Variants in SSPN observed in about 807,000 individuals in gnomAD.
SSPN encodes the protein sarcospan.
In SSPN, 15 loss-of-function variants were observed where a neutral mutation model predicts 19.1. The observed-to-expected ratio is 0.78, with a 90% CI of 0.52 to 1.21. The LOEUF is 1.21. Ranked by LOEUF, SSPN falls within the 50% of genes most tolerant of loss-of-function variation. SSPN has a pLI of 0.00. For missense variants in SSPN, 291 were observed against 314.0 expected (o/e 0.93, Z 0.55); for synonymous variants, 147 against 140.3 (o/e 1.05, Z -0.34).
At chr12:26,159,166 TG>T (rs1157859930) in intron 1 of SSPN, among the ~76,000 whole-genome samples, 20 of 152,216 alleles carry the variant, frequency 1.3e-4, no homozygotes, top group African/African-American at 4.8e-4. Flanking sequence ...GAACCAGCCA[TG>T]GGTTGTGACA....
intron 1 of SSPN, chr12:26,123,182 G>A (rs1020206271): frequency 1.3e-6 from 2 of 1,571,708 alleles, no homozygotes; most frequent in African/African-American, 1.4e-5. Context: ...GGATGAGGAA[G>A]GGATGGGGGT....
At chr12:26,142,719 A>C (rs924473332) in intron 1 of SSPN, among the ~76,000 whole-genome samples, 2 of 152,206 alleles carry the variant, frequency 1.3e-5, no homozygotes, top group Admixed American at 6.5e-5. Context: ...AGATTAGAAG[A>C]GAAGTGGGTT....
chr12:26,167,295 T>A (rs1310135244), intron 1 of SSPN, among the ~76,000 whole-genome samples: 1 of 152,212 alleles, frequency 6.6e-6, no homozygotes, highest in Non-Finnish European at 1.5e-5. Flanking sequence ...TCAATTTTAT[T>A]TTTTTCCCTC....
At chr12:26,222,778 G>A (rs4963653) in intron 1 of SSPN, among the ~76,000 whole-genome samples, 43,894 of 152,102 alleles carry the variant, frequency 0.29, 6,589 homozygotes, top group Admixed American at 0.4. Flanking sequence ...AACAGGTTGA[G>A]TATATTTTGC....
At chr12:26,191,210 C>T (rs1944785467), upstream of SSPN, among the ~76,000 whole-genome samples, 2 of 152,104 alleles carry the variant, frequency 1.3e-5, no homozygotes, top group Non-Finnish European at 2.9e-5. Flanking sequence ...GTATCATATG[C>T]AGTGGAAAAA....
rs912126740 is a variant in SSPN, at chr12:26,231,144, A to T, written c.*68A>T. ...GCTGAGGTTAAACAAACAAAAAAAA[A>T]TTTTAAACAAAGAAAGGAAAAAAAT... On this transcript the variant is annotated 3_prime_UTR_variant, in exon 3 of 3. Coordinates refer to ENST00000242729, the MANE Select transcript of SSPN (RefSeq NM_005086.5). 9.6e-6 allele frequency: 14 copies of T among 1,453,236 alleles called. No individual in the cohort carries two copies. Among genetic ancestry groups the T allele is most frequent in the Middle Eastern group, 1.8e-4 (1 of 5,478 alleles). 90.0% of individuals were successfully genotyped at this position (1,453,236 alleles called of 1,614,324 possible).
rs78419655 is a variant in SSPN at position 26,133,784 on chromosome 12, C to A, written c.-31+11632C>A. Among the ~76,000 whole-genome samples the A allele has an allele frequency of 2.0e-3, 297 of 152,104 alleles. 1 individual carries two copies. The highest frequency in any genetic ancestry group is 3.4e-3 in the Non-Finnish European group (229 of 68,012). The stretch of plus-strand genomic sequence containing the variant: ...CACTTTCCACATCTTGCACAAGGGC[C>A]TCTCAAAGGCAGAATCTAAGTTAGA... On this transcript the variant is annotated intron_variant, in intron 1 of 2. Transcript: ENST00000538142.
In SSPN at chr12:26,219,414, C is replaced by A. The variant is rs1331778113; in HGVS notation, c.280-4879C>A. Among the ~76,000 whole-genome samples the A allele has an allele frequency of 2.6e-5, 4 of 152,136 alleles. No homozygotes were observed. In the East Asian group the frequency reaches 7.7e-4, roughly 29 times the overall value. On this transcript the variant is annotated intron_variant, in intron 1 of 2. Coordinates refer to ENST00000242729, the MANE Select transcript of SSPN (RefSeq NM_005086.5). Reference sequence around the variant, plus strand: ...TACAAACCCTCAAAAGACACCACTGCAGTTATAATAGGCCAAATAACAAAG... The same window carrying A: ...TACAAACCCTCAAAAGACACCACTGAAGTTATAATAGGCCAAATAACAAAG...
chr12:26,124,043 G>A (rs1382502218), intron 1 of SSPN: 7 of 1,413,554 alleles, frequency 5.0e-6, no homozygotes, highest in Non-Finnish European at 7.0e-6. Context: ...CCCTTGGAGA[G>A]CAGCAAAGAA....
chr12:26,195,647 A>ACCCCCCC lies in SSPN; in HGVS notation c.-23_-22insCCCCCCC. ...GGCCCAGGGCGCCGCACACGCACCC[A>ACCCCCCC]CCCACCCACCCAGCCTCGCAGCGCC... On this transcript the variant is annotated 5_prime_UTR_variant, in exon 1 of 3. Coordinates refer to ENST00000242729, the MANE Select transcript of SSPN (RefSeq NM_005086.5). 5.7e-6 allele frequency: 1 copy of ACCCCCCC among 174,028 alleles called. No individual in the cohort carries two copies. Among genetic ancestry groups the ACCCCCCC allele is most frequent in the South Asian group, 6.3e-5 (1 of 15,950 alleles). 10.8% of individuals were successfully genotyped at this position (174,028 alleles called of 1,614,324 possible).
chr12:26,231,710 G>GT lies in SSPN; in HGVS notation c.*635dup, dbSNP rs774491138. ...TCTTCAGCTCCCTTAGCTTGGCTCC[G>GT]TAAGTGGATCACTTGCCAAATGCTT... On this transcript the variant is annotated 3_prime_UTR_variant, in exon 3 of 3. Transcript: ENST00000242729. 5.5e-5 allele frequency: 10 copies of GT among 182,604 alleles called. No individual in the cohort carries two copies. The highest frequency in any genetic ancestry group is 9.4e-5 in the Non-Finnish European group (9 of 95,842). The allele number at this position is 182,604 out of a possible 1,614,324, so 11.3% of individuals were successfully genotyped here.
At chr12:26,153,853 G>GAACT (rs1171463668) in intron 1 of SSPN, among the ~76,000 whole-genome samples, 4 of 152,176 alleles carry the variant, frequency 2.6e-5, no homozygotes, top group Non-Finnish European at 5.9e-5. Flanking sequence ...TAAGTTGGGA[G>GAACT]AACTAGTACC....
chr12:26,204,940 AT>A (rs1196684143), intron 1 of SSPN, among the ~76,000 whole-genome samples: 1 of 152,220 alleles, frequency 6.6e-6, no homozygotes, highest in Non-Finnish European at 1.5e-5. Flanking sequence ...TTTTGAGCAT[AT>A]TTAAAGTTGA....
chr12:26,164,391 G>A (rs1944608317), intron 1 of SSPN, among the ~76,000 whole-genome samples: 1 of 152,202 alleles, frequency 6.6e-6, no homozygotes, highest in African/African-American at 2.4e-5. Flanking sequence ...GACACAGAAT[G>A]ACTTTCATAC....
intron 1 of SSPN, among the ~76,000 whole-genome samples, chr12:26,212,156 T>C (rs1212861914): frequency 6.6e-6 from 1 of 152,232 alleles, no homozygotes; most frequent in Non-Finnish European, 1.5e-5. Flanking sequence ...TTTTGCATTA[T>C]AATTTAATTA....
chr12:26,195,927 C>T lies in SSPN; in HGVS notation c.255C>T (p.Asp85=). ...ASISSSLLVR[D]TPFWAGIIVC... ...TCAGCTCCTCCCTGCTAGTCAGGGA[C>T]ACTCCATTTTGGGCTGGGATCATTG... Residue 85 remains aspartate (D), a synonymous_variant, in exon 1 of 3, where the codon GAC becomes GAT. Transcript: ENST00000242729. 1 of 1,548,748 alleles carries T rather than the reference C, an allele frequency of 6.5e-7. No homozygotes were observed. Among genetic ancestry groups the T allele is most frequent in the Non-Finnish European group, 8.7e-7 (1 of 1,150,994 alleles).
At chr12:26,211,804 A>G (rs1026110576) in intron 1 of SSPN, 3 of 152,226 alleles carry the variant, frequency 2.0e-5, no homozygotes, top group Non-Finnish European at 4.4e-5. Flanking sequence ...TGGCTAAACT[A>G]CACAGCAATG....
chr12:26,154,892 C>T (rs73084731), intron 1 of SSPN, among the ~76,000 whole-genome samples: 4,262 of 152,088 alleles, frequency 0.028, 91 homozygotes, highest in Non-Finnish European at 0.043. Flanking sequence ...GGTTTGGGCC[C>T]AGGGTTTGAG....
chr12:26,210,667 C>T (rs60666103), intron 1 of SSPN, among the ~76,000 whole-genome samples: 11,609 of 152,154 alleles, frequency 0.076, 827 homozygotes, highest in African/African-American at 0.19. Context: ...CAAACTGCCC[C>T]CCTGCATCTG....
Sources: allele counts gnomAD v4.1 joint callset (sites outside exome capture counted in the v4.1 genomes callset), GRCh38; gene constraint gnomAD v4.1.1; transcripts MANE v1.5; gene names NCBI Gene and HGNC (gene_info 2026-07-23, HGNC 2026-07-21).